Variants in DLGAP2 observed in about 807,000 individuals in gnomAD.
DLGAP2 encodes DLG associated protein 2, also known as disks large-associated protein 2.
Under a neutral mutation model 100.3 loss-of-function variants are expected in DLGAP2, and 26 were observed. That is an observed-to-expected ratio of 0.26 (90% CI 0.19 to 0.36). The LOEUF (loss-of-function observed/expected upper bound fraction) is 0.36, where lower values mean the gene tolerates loss of function less well. Among genes scored for constraint, DLGAP2 ranks in the 10% least tolerant of loss-of-function variants. The pLI is 1.00. For missense variants in DLGAP2, 1,858 were observed against 1,453.2 expected, an observed-to-expected ratio of 1.28 and a Z score of -4.53; for synonymous variants, 886 against 630.1, an observed-to-expected ratio of 1.41 and a Z score of -6.08.
At chr8:1,533,271 G>A (rs969637843) in intron 4 of DLGAP2, among the ~76,000 whole-genome samples, 6 of 152,050 alleles carry the variant, frequency 3.9e-5, no homozygotes, top group African/African-American at 1.5e-4. Flanking sequence ...GGCCGAGGTG[G>A]GCAGATCATG....
intron 2 of DLGAP2, among the ~76,000 whole-genome samples, chr8:1,123,299 G>T (rs1046449494): frequency 6.6e-6 from 1 of 152,156 alleles, no homozygotes; most frequent in African/African-American, 2.4e-5. Flanking sequence ...TCACATGGTG[G>T]TTCTTTTATG....
chr8:1,426,121 C>G (rs573574788), intron 3 of DLGAP2, among the ~76,000 whole-genome samples: 21 of 152,232 alleles, frequency 1.4e-4, no homozygotes, highest in Non-Finnish European at 2.5e-4. Context: ...AGGAAGAAAC[C>G]GGCTCAGCTG....
chr8:1,187,632 G>GACGTC (rs1797538541), intron 2 of DLGAP2, among the ~76,000 whole-genome samples: 1 of 138,462 alleles, frequency 7.2e-6, no homozygotes, highest in African/African-American at 2.7e-5. Flanking sequence ...GGACCTCCGT[G>GACGTC]ACGTTTGTCT....
chr8:1,592,953 G>T (rs1156452219), intron 6 of DLGAP2, among the ~76,000 whole-genome samples: 1 of 152,150 alleles, frequency 6.6e-6, no homozygotes, highest in Non-Finnish European at 1.5e-5. Flanking sequence ...CAGGATGATA[G>T]ATTTTACTGT....
chr8:1,534,980 C>G (rs899656893), intron 4 of DLGAP2, among the ~76,000 whole-genome samples: 2 of 152,246 alleles, frequency 1.3e-5, no homozygotes, highest in African/African-American at 4.8e-5. Context: ...GGCCTTTTGA[C>G]TCCATTTGCC....
intron 4 of DLGAP2, among the ~76,000 whole-genome samples, chr8:1,525,696 G>A (rs1209079146): frequency 2.0e-5 from 3 of 152,242 alleles, no homozygotes; most frequent in African/African-American, 7.2e-5. Context: ...TGCTTATACA[G>A]TGTATCCTCA....
intron 2 of DLGAP2, among the ~76,000 whole-genome samples, chr8:1,187,696 A>G (rs1259609970): frequency 7.6e-6 from 1 of 131,230 alleles, no homozygotes; most frequent in African/African-American, 2.9e-5. Flanking sequence ...CACGCCCAGG[A>G]CCTCTGTGAC....
chr8:1,648,051 G>A (rs1034036462), intron 8 of DLGAP2, among the ~76,000 whole-genome samples: 1 of 152,194 alleles, frequency 6.6e-6, no homozygotes, highest in Non-Finnish European at 1.5e-5. Context: ...GGCCTGTGGC[G>A]ATAAGCCAGA....
chr8:1,498,839 G>A (rs568504425), intron 3 of DLGAP2, among the ~76,000 whole-genome samples: 26 of 152,240 alleles, frequency 1.7e-4, no homozygotes, highest in Admixed American at 7.8e-4. Context: ...ACAAAGCCTC[G>A]TTAGATAAGG....
intron 2 of DLGAP2, among the ~76,000 whole-genome samples, chr8:1,129,761 A>T (rs1013554238): frequency 5.3e-5 from 8 of 152,138 alleles, no homozygotes; most frequent in African/African-American, 1.9e-4. Context: ...ACGTTTTACG[A>T]TAGGAAAGAA....
chr8:739,938 C>T (rs1423797937), intron 1 of DLGAP2: 1 of 152,200 alleles, frequency 6.6e-6, no homozygotes, highest in Admixed American at 6.5e-5. Flanking sequence ...TCTCGGGTCA[C>T]CTGAGGCATC....
intron 2 of DLGAP2, among the ~76,000 whole-genome samples, chr8:911,392 C>T (rs916319055): frequency 2.0e-5 from 3 of 151,544 alleles, no homozygotes; most frequent in Non-Finnish European, 4.4e-5. Flanking sequence ...AAGATGCATG[C>T]ATAATGTATG....
At chr8:841,122 T>C (rs1796976202) in intron 1 of DLGAP2, among the ~76,000 whole-genome samples, 1 of 152,256 alleles carries the variant, frequency 6.6e-6, no homozygotes, top group African/African-American at 2.4e-5. Flanking sequence ...TTCATCTATT[T>C]CATTATGAAA....
chr8:788,006 T>G (rs1335037344), intron 1 of DLGAP2, among the ~76,000 whole-genome samples: 1 of 113,976 alleles, frequency 8.8e-6, no homozygotes, highest in Non-Finnish European at 1.8e-5. Flanking sequence ...TTCTAGGCAG[T>G]AGGACAGCAG....
intron 2 of DLGAP2, among the ~76,000 whole-genome samples, chr8:1,187,716 A>G (rs555716718): frequency 1.6e-5 from 2 of 122,706 alleles, no homozygotes. Flanking sequence ...CGTTTCCCTC[A>G]CGGAATCTCA....
chr8:1,348,814 G>A (rs1323584695), intron 3 of DLGAP2, among the ~76,000 whole-genome samples: 1 of 152,196 alleles, frequency 6.6e-6, no homozygotes, highest in Non-Finnish European at 1.5e-5. Flanking sequence ...GATGGATTCA[G>A]CACCAGCCAG....
intron 2 of DLGAP2, among the ~76,000 whole-genome samples, chr8:1,004,283 C>T (rs111420093): frequency 2.5e-4 from 38 of 152,286 alleles, no homozygotes; most frequent in African/African-American, 8.2e-4. Context: ...CATTGGCAAG[C>T]GTGACAGAAA....
At chr8:1,511,932 G>T (rs1043517351) in intron 4 of DLGAP2, among the ~76,000 whole-genome samples, 1 of 152,224 alleles carries the variant, frequency 6.6e-6, no homozygotes, top group Non-Finnish European at 1.5e-5. Context: ...CTGACAAAAA[G>T]CGTGCGTGTT....
intron 3 of DLGAP2, among the ~76,000 whole-genome samples, chr8:1,422,642 C>T (rs1797127376): frequency 6.6e-6 from 1 of 151,378 alleles, no homozygotes; most frequent in Non-Finnish European, 1.5e-5. Flanking sequence ...TCAGCAAAGG[C>T]TGGAGGGCAC....
Sources: allele counts gnomAD v4.1 joint callset (sites outside exome capture counted in the v4.1 genomes callset), GRCh38; gene constraint gnomAD v4.1.1; transcripts MANE v1.5; gene names NCBI Gene and HGNC (gene_info 2026-07-23, HGNC 2026-07-21).